PSD3: variants seen among roughly 807,000 people sequenced by gnomAD.
The protein encoded by PSD3 is pleckstrin and Sec7 domain containing 3.
In PSD3, 49 loss-of-function variants were observed where a neutral mutation model predicts 105.5. That is an observed-to-expected ratio of 0.46 (90% CI 0.37 to 0.59). PSD3 has a LOEUF of 0.59. Ranked by LOEUF, PSD3 falls within the 20% of genes least tolerant of loss-of-function variation. PSD3 has a pLI of 0.00. For missense variants in PSD3, 1,561 were observed against 1,263.8 expected, an observed-to-expected ratio of 1.24 and a Z score of -3.57; for synonymous variants, 557 against 457.8, an observed-to-expected ratio of 1.22 and a Z score of -2.77.
intron 9 of PSD3, chr8:18,720,996 T>G (rs963986834): frequency 3.9e-5 from 6 of 152,182 alleles, no homozygotes; most frequent in African/African-American, 1.4e-4. Flanking sequence ...AAGGTTCATC[T>G]GTCAATGTGA....
chr8:18,620,951 C>A (rs1806068411), intron 11 of PSD3, among the ~76,000 whole-genome samples: 1 of 152,188 alleles, frequency 6.6e-6, no homozygotes, highest in South Asian at 2.1e-4. Context: ...AAACCGAAAT[C>A]ATAAACAGAA....
intron 2 of PSD3, among the ~76,000 whole-genome samples, chr8:18,905,683 A>G (rs544925241): frequency 6.6e-6 from 1 of 152,244 alleles, no homozygotes; most frequent in Admixed American, 6.5e-5. Flanking sequence ...ATATTTTCAT[A>G]ATTTCATACT....
intron 4 of PSD3, among the ~76,000 whole-genome samples, chr8:18,867,436 T>G (rs1337063807): frequency 6.6e-6 from 1 of 152,182 alleles, no homozygotes; most frequent in East Asian, 1.9e-4. Flanking sequence ...GGTATCCAAT[T>G]TATATATAGT....
chr8:18,877,058 C>CAT (rs1430263875), intron 2 of PSD3, among the ~76,000 whole-genome samples: 1 of 152,146 alleles, frequency 6.6e-6, no homozygotes, highest in East Asian at 1.9e-4. Flanking sequence ...ATATTCTGGA[C>CAT]ATAAGTTCTT....
At chr8:18,743,204 G>C (rs1459029940) in intron 9 of PSD3, among the ~76,000 whole-genome samples, 1 of 152,114 alleles carries the variant, frequency 6.6e-6, no homozygotes, top group Non-Finnish European at 1.5e-5. Flanking sequence ...AGCGAAAAAA[G>C]CATACAATTT....
At chr8:18,983,573 T>C (rs933193511) in intron 1 of PSD3, among the ~76,000 whole-genome samples, 2 of 152,198 alleles carry the variant, frequency 1.3e-5, no homozygotes, top group Admixed American at 6.5e-5. Context: ...TAATTTCATA[T>C]TGTTGTGTCT....
intron 9 of PSD3, among the ~76,000 whole-genome samples, chr8:18,760,383 G>A (rs1010414786): frequency 6.6e-6 from 1 of 151,898 alleles, no homozygotes; most frequent in Admixed American, 6.6e-5. Flanking sequence ...AAAGGAAATT[G>A]TACCCTTTGT....
At chr8:18,593,527 G>C (rs1428902830) in intron 12 of PSD3, among the ~76,000 whole-genome samples, 2 of 152,098 alleles carry the variant, frequency 1.3e-5, no homozygotes, top group Non-Finnish European at 2.9e-5. Context: ...CTGTTGGTGG[G>C]ACTGTAAACT....
intron 2 of PSD3, among the ~76,000 whole-genome samples, chr8:18,909,591 T>A (rs1234506868): frequency 6.6e-6 from 1 of 152,168 alleles, no homozygotes; most frequent in Non-Finnish European, 1.5e-5. Context: ...GCAATTCTCC[T>A]GCCTCAGCTT....
chr8:18,548,158 T>G (rs571008198), intron 15 of PSD3, among the ~76,000 whole-genome samples: 17 of 152,326 alleles, frequency 1.1e-4, no homozygotes, highest in African/African-American at 4.1e-4. Flanking sequence ...TTGTTTGGGT[T>G]GTTAAATAAT....
At chr8:18,773,764 T>C (rs1807771016) in intron 8 of PSD3, among the ~76,000 whole-genome samples, 1 of 152,208 alleles carries the variant, frequency 6.6e-6, no homozygotes, top group South Asian at 2.1e-4. Context: ...TCAGGATTTG[T>C]CTGTCCATTT....
chr8:18,973,535 G>T (rs1038518832), intron 1 of PSD3, among the ~76,000 whole-genome samples: 1 of 152,056 alleles, frequency 6.6e-6, no homozygotes, highest in East Asian at 1.9e-4. Context: ...CTGGATTAGG[G>T]GCCCATCCTT....
At chr8:18,840,546 C>T (rs1814536076) in intron 4 of PSD3, among the ~76,000 whole-genome samples, 1 of 152,234 alleles carries the variant, frequency 6.6e-6, no homozygotes, top group Non-Finnish European at 1.5e-5. Context: ...AAGACGTTTA[C>T]AGGCATTAAC....
intron 9 of PSD3, among the ~76,000 whole-genome samples, chr8:18,756,151 TA>T (rs1268535644): frequency 6.6e-6 from 1 of 152,190 alleles, no homozygotes; most frequent in Non-Finnish European, 1.5e-5. Context: ...ATACTGTTGC[TA>T]CCAGGTTTCC....
intron 1 of PSD3, among the ~76,000 whole-genome samples, chr8:18,956,834 A>G (rs997854672): frequency 6.6e-6 from 1 of 152,034 alleles, no homozygotes; most frequent in South Asian, 2.1e-4. Context: ...CCCTACCCCT[A>G]ATCTCCTCTG....
intron 2 of PSD3, among the ~76,000 whole-genome samples, chr8:18,875,702 A>AT (rs1401267871): frequency 6.6e-6 from 1 of 151,964 alleles, no homozygotes; most frequent in Non-Finnish European, 1.5e-5. Flanking sequence ...TGCCTGGCTA[A>AT]TTTTTTGTAT....
rs923661003 is a variant in PSD3 at position 18,766,491 on chromosome 8, C to T, written c.2083-953G>A. Among the ~76,000 whole-genome samples the T allele has an allele frequency of 6.6e-5, 10 of 151,706 alleles. No individual in the cohort carries two copies. In the East Asian group the frequency reaches 7.7e-4, roughly 12 times the overall value. The stretch of plus-strand genomic sequence containing the variant: ...TAATGTAGAAAAAAACTTGAAAAAC[C>T]GACGCTACATTTATACAATATATAA... On this transcript the variant is annotated intron_variant, in intron 8 of 15. Coordinates refer to ENST00000327040, the MANE Select transcript of PSD3 (RefSeq NM_015310.4).
At chr8:18,622,334 A>C (rs1806172284) in intron 11 of PSD3, among the ~76,000 whole-genome samples, 6 of 152,204 alleles carry the variant, frequency 3.9e-5, no homozygotes. Flanking sequence ...AAACCTTTTG[A>C]AACAAATTAC....
intron 14 of PSD3, among the ~76,000 whole-genome samples, chr8:18,566,935 G>C (rs544249389): frequency 5.9e-5 from 9 of 152,072 alleles, no homozygotes; most frequent in African/African-American, 2.2e-4. Flanking sequence ...CCTGTTCTGG[G>C]GAAAACACGC....
Sources: allele counts gnomAD v4.1 joint callset (sites outside exome capture counted in the v4.1 genomes callset), GRCh38; gene constraint gnomAD v4.1.1; transcripts MANE v1.5; gene names NCBI Gene and HGNC (gene_info 2026-07-23, HGNC 2026-07-21).